DNAJC15: variants seen among roughly 807,000 people sequenced by gnomAD.
DNAJC15 encodes the protein dnaJ homolog subfamily C member 15.
A neutral mutation model predicts 22.4 loss-of-function variants in DNAJC15; 27 were observed. The ratio of observed to expected loss-of-function variants is 1.20; its 90% CI spans 0.89 to 1.66. The LOEUF is 1.66. Among genes scored for constraint, DNAJC15 ranks in the 40% most tolerant of loss-of-function variants. The pLI, the probability that DNAJC15 is intolerant of heterozygous loss-of-function variation, is 0.00. For missense variants in DNAJC15, 208 were observed against 187.1 expected, an observed-to-expected ratio of 1.11 and a Z score of -0.65; for synonymous variants, 79 against 63.2, an observed-to-expected ratio of 1.25 and a Z score of -1.19.
chr13:43,042,651 G>C (rs2040459386), intron 1 of DNAJC15, among the ~76,000 whole-genome samples: 1 of 152,204 alleles, frequency 6.6e-6, no homozygotes, highest in Admixed American at 6.5e-5. Flanking sequence ...GGTGTAGCTG[G>C]CAAGTCTAAA....
chr13:43,024,336 C>CGTTTTTT (rs2040368550), intron 1 of DNAJC15, among the ~76,000 whole-genome samples: 4 of 93,926 alleles, frequency 4.3e-5, no homozygotes, highest in South Asian at 9.1e-4. Flanking sequence ...CGTATTTTTA[C>CGTTTTTT]GTTTTTTTTT....
chr13:43,044,354 C>T (rs1165318173), intron 1 of DNAJC15, among the ~76,000 whole-genome samples: 2 of 152,100 alleles, frequency 1.3e-5, no homozygotes, highest in Admixed American at 1.3e-4. Context: ...CTCCATTTAC[C>T]CTCTAGGTGT....
At chr13:43,091,502 C>T (rs1226877566) in intron 5 of DNAJC15, among the ~76,000 whole-genome samples, 3 of 152,140 alleles carry the variant, frequency 2.0e-5, no homozygotes, top group Non-Finnish European at 4.4e-5. Context: ...AATTTCAGGT[C>T]TATTGTTACA....
At chr13:43,060,334 T>C (rs2040552611) in intron 1 of DNAJC15, among the ~76,000 whole-genome samples, 1 of 152,132 alleles carries the variant, frequency 6.6e-6, no homozygotes, top group African/African-American at 2.4e-5. Flanking sequence ...TATAGAATTA[T>C]TGGTGATGGC....
chr13:43,103,224 A>G (rs2040779822), intron 5 of DNAJC15, among the ~76,000 whole-genome samples: 1 of 152,214 alleles, frequency 6.6e-6, no homozygotes, highest in South Asian at 2.1e-4. Flanking sequence ...TACTATGGTC[A>G]GCTAACAGAC....
At chr13:43,088,545 A>C (rs894596346) in intron 5 of DNAJC15, among the ~76,000 whole-genome samples, 1 of 152,234 alleles carries the variant, frequency 6.6e-6, no homozygotes, top group African/African-American at 2.4e-5. Flanking sequence ...ACCTTTTCCC[A>C]CTTACACACC....
chr13:43,102,142 A>T (rs2040772383), intron 5 of DNAJC15, among the ~76,000 whole-genome samples: 3 of 152,120 alleles, frequency 2.0e-5, no homozygotes, highest in African/African-American at 4.8e-5. Context: ...GTAAGATGGT[A>T]TGGCATTCTG....
rs796371774 is a variant in DNAJC15 at position 43,038,589 on chromosome 13, G to A, written c.108+14855G>A. On this transcript the variant is annotated intron_variant, in intron 1 of 5. Transcript: ENST00000379221. ...GGGCAGATCACGAGGTCAGGAGATC[G>A]AGACCATCCTGGCTAACACAGTGAA... Among the ~76,000 whole-genome samples the A allele has an allele frequency of 3.3e-5, 5 of 152,170 alleles. No homozygotes were observed. The South Asian group carries it at 6.2e-4, about 19-fold the overall frequency.
At position 43,109,415 on chromosome 13, in the gene DNAJC15, A is replaced by G. The variant is rs1240751259; in HGVS notation, c.*2167A>G. On this transcript the variant is annotated 3_prime_UTR_variant, in exon 6 of 6. Coordinates refer to ENST00000379221, the MANE Select transcript of DNAJC15 (RefSeq NM_013238.3). The stretch of plus-strand genomic sequence containing the variant: ...GCTGTTTTCTGAATACTATGCATCA[A>G]AAAATGTTACCACTAATTTTTAAAG... 4 of 152,200 alleles carry G rather than the reference A, an allele frequency of 2.6e-5. No homozygotes were observed. Among genetic ancestry groups the G allele is most frequent in the Non-Finnish European group, 4.4e-5 (3 of 68,028 alleles). The allele number at this position is 152,200 out of a possible 1,614,324, so 9.4% of individuals were successfully genotyped here.
chr13:43,057,635 G>A (rs1022184822), intron 1 of DNAJC15, among the ~76,000 whole-genome samples: 28 of 152,134 alleles, frequency 1.8e-4, no homozygotes, highest in Non-Finnish European at 3.7e-4. Flanking sequence ...ATCCATTGCT[G>A]GTGAGCTAGT....
intron 1 of DNAJC15, among the ~76,000 whole-genome samples, chr13:43,026,415 A>G (rs1449444572): frequency 1.3e-5 from 2 of 152,178 alleles, no homozygotes; most frequent in Non-Finnish European, 2.9e-5. Flanking sequence ...CCTCCCTTCT[A>G]TTCAAATTAT....
At chr13:43,099,267 T>C (rs1177963458) in intron 5 of DNAJC15, among the ~76,000 whole-genome samples, 1 of 152,212 alleles carries the variant, frequency 6.6e-6, no homozygotes, top group East Asian at 1.9e-4. Context: ...ACTTATTTAT[T>C]AGGTCTAATA....
chr13:43,060,677 TGAA>T (rs1201831008), intron 1 of DNAJC15, among the ~76,000 whole-genome samples: 1 of 152,186 alleles, frequency 6.6e-6, no homozygotes, highest in Non-Finnish European at 1.5e-5. Context: ...AACTGTTTGT[TGAA>T]GAAGGATTAG....
chr13:43,090,658 G>A (rs891108653), intron 5 of DNAJC15, among the ~76,000 whole-genome samples: 1 of 151,268 alleles, frequency 6.6e-6, no homozygotes, highest in Non-Finnish European at 1.5e-5. Flanking sequence ...AAGAAATTGG[G>A]CAGCATTCTT....
chr13:43,034,503 G>C (rs1271268737), intron 1 of DNAJC15, among the ~76,000 whole-genome samples: 2 of 151,254 alleles, frequency 1.3e-5, no homozygotes, highest in Non-Finnish European at 2.9e-5. Context: ...TTTTAGTAGA[G>C]ACGGGGTTTC....
intron 1 of DNAJC15, among the ~76,000 whole-genome samples, chr13:43,029,141 C>T (rs1443702659): frequency 1.3e-5 from 2 of 152,184 alleles, no homozygotes; most frequent in Non-Finnish European, 2.9e-5. Context: ...TATATGTTAG[C>T]CTCTAAGGGA....
intron 5 of DNAJC15, among the ~76,000 whole-genome samples, chr13:43,100,815 T>C (rs1449601165): frequency 6.6e-6 from 1 of 152,210 alleles, no homozygotes; most frequent in Non-Finnish European, 1.5e-5. Flanking sequence ...GTTTCCTTGT[T>C]GGTCTTTTGT....
Position 43,107,491 on chromosome 13 carries a change from T to TTTTTG in DNAJC15, c.*245_*246insTTGTT, listed in dbSNP as rs2040803112. 3.5e-6 allele frequency: 1 copy of TTTTTG among 283,188 alleles called. No individual in the cohort carries two copies. The allele number at this position is 283,188 out of a possible 1,614,324, so 17.5% of individuals were successfully genotyped here. A position where few individuals can be genotyped will look rare whatever the true frequency, so the allele number is the denominator to read the frequency against. On this transcript the variant is annotated 3_prime_UTR_variant, in exon 6 of 6. Coordinates refer to ENST00000379221, the MANE Select transcript of DNAJC15 (RefSeq NM_013238.3). Reference sequence around the variant, plus strand: ...ATTTTGTTTGTGACATTCATACATTTTTAAGATTTTTGTTATGTTCTGAAT... The same window carrying TTTTTG: ...ATTTTGTTTGTGACATTCATACATTTTTTTGTTAAGATTTTTGTTATGTTCTGAAT...
chr13:43,069,943 G>T (rs1040542818), intron 3 of DNAJC15, among the ~76,000 whole-genome samples: 48 of 151,904 alleles, frequency 3.2e-4, no homozygotes, highest in Non-Finnish European at 5.1e-4. Context: ...AAACTTACCA[G>T]AAAGACTGTC....
Sources: allele counts gnomAD v4.1 joint callset (sites outside exome capture counted in the v4.1 genomes callset), GRCh38; gene constraint gnomAD v4.1.1; transcripts MANE v1.5; gene names NCBI Gene and HGNC (gene_info 2026-07-23, HGNC 2026-07-21).